ACOXL: variants seen among roughly 807,000 people sequenced by gnomAD.
ACOXL encodes the protein acyl-CoA oxidase like.
Under a neutral mutation model 71.9 loss-of-function variants are expected in ACOXL, and 70 were observed. The ratio of observed to expected loss-of-function variants is 0.97; its 90% confidence interval spans 0.80 to 1.19. The LOEUF (loss-of-function observed/expected upper bound fraction) is 1.19, where lower values mean the gene tolerates loss of function less well. Among genes scored for constraint, ACOXL ranks in the 50% most tolerant of loss-of-function variants. The pLI is 0.00. For missense variants in ACOXL, 703 were observed against 736.3 expected (o/e 0.95, Z 0.52); for synonymous variants, 253 against 281.6 (o/e 0.90, Z 1.02).
At chr2:110,984,259 A>G (rs1468294990) in intron 12 of ACOXL, among the ~76,000 whole-genome samples, 1 of 152,154 alleles carries the variant, frequency 6.6e-6, no homozygotes, top group Non-Finnish European at 1.5e-5. Context: ...GTTAAAAATT[A>G]TATATATACA....
chr2:111,078,542 G>T (rs2067726068), intron 16 of ACOXL, among the ~76,000 whole-genome samples: 1 of 152,122 alleles, frequency 6.6e-6, no homozygotes, highest in Admixed American at 6.5e-5. Flanking sequence ...GGGATTACAG[G>T]TGTGAGCCAC....
At chr2:111,042,976 A>C (rs1412561151) in intron 15 of ACOXL, among the ~76,000 whole-genome samples, 2 of 152,184 alleles carry the variant, frequency 1.3e-5, no homozygotes, top group Non-Finnish European at 2.9e-5. Context: ...TCCTGGAGGA[A>C]GCTGTCCCTT....
intron 1 of ACOXL, among the ~76,000 whole-genome samples, chr2:110,762,507 A>G (rs953295772): frequency 1.3e-5 from 2 of 152,026 alleles, no homozygotes; most frequent in African/African-American, 2.4e-5. Context: ...ATCGCATTCT[A>G]TATTTTCTTA....
At chr2:110,852,653 G>C (rs971560819) in intron 10 of ACOXL, among the ~76,000 whole-genome samples, 1 of 152,246 alleles carries the variant, frequency 6.6e-6, no homozygotes, top group African/African-American at 2.4e-5. Context: ...GACTGGGCCT[G>C]TAGGGGTGCT....
intron 14 of ACOXL, among the ~76,000 whole-genome samples, chr2:111,000,812 C>G (rs998487499): frequency 6.6e-6 from 1 of 152,194 alleles, no homozygotes; most frequent in African/African-American, 2.4e-5. Context: ...CCCTAATTAC[C>G]TCATTTTAAC....
intron 12 of ACOXL, among the ~76,000 whole-genome samples, chr2:110,956,927 T>A (rs1338902876): frequency 2.6e-5 from 4 of 152,130 alleles, no homozygotes; most frequent in African/African-American, 7.2e-5. Flanking sequence ...AGAGGCTCGA[T>A]GTAACCCAGA....
At chr2:111,062,428 A>G (rs981462019) in intron 16 of ACOXL, among the ~76,000 whole-genome samples, 18 of 152,112 alleles carry the variant, frequency 1.2e-4, no homozygotes, top group African/African-American at 3.9e-4. Context: ...ACAGAAAATC[A>G]AAACACATAA....
chr2:111,017,631 C>T (rs375042259), intron 14 of ACOXL, among the ~76,000 whole-genome samples: 2 of 152,186 alleles, frequency 1.3e-5, no homozygotes, highest in African/African-American at 4.8e-5. Flanking sequence ...CCGTCAACGC[C>T]TTCACCTTCT....
At chr2:110,910,306 G>GA (rs1360817167) in intron 11 of ACOXL, among the ~76,000 whole-genome samples, 2 of 152,116 alleles carry the variant, frequency 1.3e-5, no homozygotes, top group Non-Finnish European at 2.9e-5. Context: ...CAATGTTGTG[G>GA]ATAGTTTATT....
intron 14 of ACOXL, among the ~76,000 whole-genome samples, chr2:111,016,320 T>G (rs554212410): frequency 6.6e-6 from 1 of 152,188 alleles, no homozygotes; most frequent in African/African-American, 2.4e-5. Flanking sequence ...AGAGAGGGTA[T>G]AGGAAATGTT....
intron 16 of ACOXL, among the ~76,000 whole-genome samples, chr2:111,088,459 A>T (rs1411597911): frequency 1.3e-5 from 2 of 152,238 alleles, no homozygotes; most frequent in Admixed American, 6.5e-5. Context: ...CCATGAAAAA[A>T]AATGAGATAA....
chr2:110,844,250 T>A (rs567390033), intron 10 of ACOXL, among the ~76,000 whole-genome samples: 1 of 152,250 alleles, frequency 6.6e-6, no homozygotes, highest in African/African-American at 2.4e-5. Context: ...TCTTCAATAC[T>A]GTGGAAACGG....
intron 7 of ACOXL, among the ~76,000 whole-genome samples, chr2:110,799,561 A>G (rs965769106): frequency 7.2e-5 from 11 of 152,126 alleles, no homozygotes; most frequent in African/African-American, 2.7e-4. Flanking sequence ...ACAGAAGTGT[A>G]TTGTCTCACA....
chr2:110,804,678 C>G (rs1333243201), intron 8 of ACOXL, among the ~76,000 whole-genome samples: 1 of 152,170 alleles, frequency 6.6e-6, no homozygotes, highest in Non-Finnish European at 1.5e-5. Context: ...CTAACACGTG[C>G]TACAACACAG....
At chr2:110,836,328 G>A (rs923238990) in intron 9 of ACOXL, among the ~76,000 whole-genome samples, 5 of 152,178 alleles carry the variant, frequency 3.3e-5, no homozygotes, top group South Asian at 2.1e-4. Context: ...TGTCCTTGCT[G>A]CCAGCATCTC....
intron 16 of ACOXL, among the ~76,000 whole-genome samples, chr2:111,082,451 T>C (rs572255329): frequency 6.4e-4 from 97 of 151,848 alleles, no homozygotes; most frequent in South Asian, 1.3e-3. Context: ...ATTAGAAAAA[T>C]GCAAATCAAA....
chr2:110,846,777 G>A (rs1353510800), intron 10 of ACOXL, among the ~76,000 whole-genome samples: 2 of 147,716 alleles, frequency 1.4e-5, no homozygotes, highest in Non-Finnish European at 3.0e-5. Context: ...ATAGAGGGGT[G>A]TGTGTGTGTT....
intron 13 of ACOXL, among the ~76,000 whole-genome samples, chr2:110,989,588 G>T (rs1332894193): frequency 2.0e-5 from 3 of 152,162 alleles, no homozygotes; most frequent in African/African-American, 7.2e-5. Context: ...ATAGAAAGTA[G>T]AATATTGGTT....
chr2:110,945,841 G>A (rs188524259), intron 12 of ACOXL, among the ~76,000 whole-genome samples: 162 of 151,898 alleles, frequency 1.1e-3, no homozygotes, highest in Non-Finnish European at 1.6e-3. Context: ...CTTTGGTTCC[G>A]TATGAATTTT....
Sources: gnomAD v4.1 joint callset for allele counts (sites outside exome capture counted in the v4.1 genomes callset) on GRCh38, gnomAD v4.1.1 for gene constraint, MANE v1.5 for transcripts, NCBI Gene and HGNC (gene_info 2026-07-23, HGNC 2026-07-21) for gene names.